The following RPS6KA2 variants were observed in gnomAD, a reference collection of about 807,000 sequenced individuals.
The protein encoded by RPS6KA2 is ribosomal protein S6 kinase alpha-2.
A neutral mutation model predicts 91.8 loss-of-function variants in RPS6KA2; 42 were observed. The observed-to-expected ratio is 0.46, with a 90% CI of 0.36 to 0.59. RPS6KA2 has a LOEUF of 0.59. RPS6KA2 is among the 20% of genes least tolerant of loss of function. RPS6KA2 has a pLI of 0.00. For missense variants in RPS6KA2, 798 were observed against 978.5 expected, an observed-to-expected ratio of 0.82 and a Z score of 2.46; for synonymous variants, 414 against 393.6, an observed-to-expected ratio of 1.05 and a Z score of -0.61.
At chr6:166,515,039 C>T (rs1782598957) in intron 3 of RPS6KA2, among the ~76,000 whole-genome samples, 1 of 152,122 alleles carries the variant, frequency 6.6e-6, no homozygotes, top group Non-Finnish European at 1.5e-5. Context: ...CAAGGGTGCC[C>T]AAGGACCACT....
At chr6:166,577,791 A>G (rs192632108) in intron 1 of RPS6KA2, among the ~76,000 whole-genome samples, 39 of 152,276 alleles carry the variant, frequency 2.6e-4, no homozygotes, top group African/African-American at 8.7e-4. Context: ...AAATGTGAGG[A>G]CATGAAATTT....
intron 2 of RPS6KA2, among the ~76,000 whole-genome samples, chr6:166,816,153 G>A (rs1456774814): frequency 6.6e-6 from 1 of 152,050 alleles, no homozygotes; most frequent in East Asian, 1.9e-4. Context: ...ATCCTGCTTC[G>A]TTCTCCACAA....
intron 10 of RPS6KA2, among the ~76,000 whole-genome samples, chr6:166,475,428 G>A (rs530751663): frequency 6.6e-6 from 1 of 152,280 alleles, no homozygotes; most frequent in South Asian, 2.1e-4. Context: ...CCCCAGGTGT[G>A]CCATTCTTCC....
intron 3 of RPS6KA2, among the ~76,000 whole-genome samples, chr6:166,519,391 C>T (rs150239161): frequency 4.6e-5 from 7 of 152,348 alleles, no homozygotes; most frequent in Non-Finnish European, 8.8e-5. Flanking sequence ...TCTTGAGATT[C>T]GCTAATAAAT....
At chr6:166,556,412 A>G (rs1041266606) in intron 1 of RPS6KA2, among the ~76,000 whole-genome samples, 1 of 152,210 alleles carries the variant, frequency 6.6e-6, no homozygotes, top group East Asian at 1.9e-4. Context: ...GGTCATTCCC[A>G]TAGCCACTGA....
At chr6:166,680,579 A>G (rs913390788) in intron 2 of RPS6KA2, among the ~76,000 whole-genome samples, 1 of 152,204 alleles carries the variant, frequency 6.6e-6, no homozygotes, top group Non-Finnish European at 1.5e-5. Context: ...TCCTGAAGCC[A>G]GTGACAGCAC....
intron 12 of RPS6KA2, among the ~76,000 whole-genome samples, chr6:166,452,802 T>A (rs1779959107): frequency 6.6e-6 from 1 of 152,050 alleles, no homozygotes; most frequent in Non-Finnish European, 1.5e-5. Flanking sequence ...AAAAATCAAC[T>A]AAGAGATTAA....
intron 1 of RPS6KA2, among the ~76,000 whole-genome samples, chr6:166,610,664 T>C (rs934990586): frequency 2.6e-5 from 4 of 152,192 alleles, no homozygotes; most frequent in East Asian, 3.8e-4. Context: ...CAAAACATAA[T>C]CACTGCAGTT....
intron 2 of RPS6KA2, among the ~76,000 whole-genome samples, chr6:166,686,742 CTA>C (rs1383056769): frequency 1.3e-5 from 2 of 152,290 alleles, no homozygotes; most frequent in African/African-American, 4.8e-5. Flanking sequence ...TTTAACTGTG[CTA>C]TGTTTTGAGG....
intron 2 of RPS6KA2, among the ~76,000 whole-genome samples, chr6:166,780,038 C>T (rs1778727448): frequency 6.6e-6 from 1 of 152,212 alleles, no homozygotes; most frequent in Non-Finnish European, 1.5e-5. Context: ...AAGGCCTCCT[C>T]TGCTTTTCTT....
chr6:166,590,350 C>G (rs574891377), intron 1 of RPS6KA2, among the ~76,000 whole-genome samples: 1 of 152,148 alleles, frequency 6.6e-6, no homozygotes, highest in Non-Finnish European at 1.5e-5. Context: ...ACAGCATCCA[C>G]GTAAGATTAA....
At chr6:166,638,494 C>A (rs561416071) in intron 2 of RPS6KA2, among the ~76,000 whole-genome samples, 1 of 152,056 alleles carries the variant, frequency 6.6e-6, no homozygotes, top group African/African-American at 2.4e-5. Flanking sequence ...TAGCTGAGCA[C>A]GTGTACCATT....
intron 1 of RPS6KA2, among the ~76,000 whole-genome samples, chr6:166,545,438 T>C (rs532785190): frequency 1.6e-4 from 24 of 152,202 alleles, no homozygotes; most frequent in Admixed American, 3.9e-4. Flanking sequence ...TCCGTTAAGC[T>C]ACTCACTGAA....
chr6:166,427,294 A>C (rs1359287805), intron 16 of RPS6KA2, among the ~76,000 whole-genome samples: 1,721 of 152,248 alleles, frequency 0.011, 30 homozygotes, highest in African/African-American at 0.037. Context: ...TATTGATGGG[A>C]CGTATCTCAA....
intron 2 of RPS6KA2, among the ~76,000 whole-genome samples, chr6:166,689,707 A>C (rs912065332): frequency 6.6e-6 from 1 of 152,152 alleles, no homozygotes; most frequent in African/African-American, 2.4e-5. Flanking sequence ...CATTTTAATA[A>C]ATGTCCCCCT....
intron 2 of RPS6KA2, among the ~76,000 whole-genome samples, chr6:166,695,774 G>C (rs571020733): frequency 2.8e-4 from 42 of 148,438 alleles, no homozygotes; most frequent in African/African-American, 1.0e-3. Flanking sequence ...TCTCATAGGA[G>C]CACTGGATTC....
chr6:166,743,318 C>T (rs1166894470), intron 2 of RPS6KA2, among the ~76,000 whole-genome samples: 1 of 152,242 alleles, frequency 6.6e-6, no homozygotes, highest in Non-Finnish European at 1.5e-5. Context: ...ACCCTGGTGC[C>T]ATTCCCCCAG....
chr6:166,512,686 T>C (rs1782511997), intron 3 of RPS6KA2, among the ~76,000 whole-genome samples: 1 of 152,200 alleles, frequency 6.6e-6, no homozygotes, highest in African/African-American at 2.4e-5. Context: ...CAGCTCACTG[T>C]CAGTGTCACT....
chr6:166,858,046 A>G (rs1780953695), intron 2 of RPS6KA2: 3 of 658,290 alleles, frequency 4.6e-6, no homozygotes, highest in Non-Finnish European at 8.3e-6. Context: ...ATATGCATAT[A>G]TACACGTTTG....
Sources: gnomAD v4.1 joint callset for allele counts (sites outside exome capture counted in the v4.1 genomes callset) on GRCh38, gnomAD v4.1.1 for gene constraint, MANE v1.5 for transcripts, NCBI Gene and HGNC (gene_info 2026-07-23, HGNC 2026-07-21) for gene names.